Variants in DMD observed in about 807,000 individuals in gnomAD.
DMD encodes mutant dystrophin.
DMD carries 63 observed loss-of-function variants against 330.1 expected under a neutral mutation model. The ratio of observed to expected loss-of-function variants is 0.19; its 90% CI spans 0.16 to 0.24. The LOEUF (loss-of-function observed/expected upper bound fraction) is 0.24, where lower values mean the gene tolerates loss of function less well. DMD is among the 10% of genes least tolerant of loss of function. DMD has a pLI of 1.00. For synonymous variants in DMD, 1,223 were observed against 959.8 expected (o/e 1.27, Z -5.07); for missense variants, 3,344 against 2,684.1 (o/e 1.25, Z -5.43).
At chrX:32,687,455 A>G (rs1343571493) in intron 9 of DMD, among the ~76,000 whole-genome samples, 1 of 111,882 alleles carries the variant, frequency 8.9e-6, no homozygotes, top group Non-Finnish European at 1.9e-5. Context: ...TGACTATGGA[A>G]GAAGTTATAC....
At chrX:31,759,112 C>T (rs1363224203) in intron 51 of DMD, among the ~76,000 whole-genome samples, 1 of 111,095 alleles carries the variant, frequency 9.0e-6, no homozygotes, top group Non-Finnish European at 1.9e-5. Flanking sequence ...AAAGCTCATG[C>T]TATTTCTACA....
At chrX:33,066,566 C>T (rs1487503677) in intron 1 of DMD, among the ~76,000 whole-genome samples, 1 of 109,453 alleles carries the variant, frequency 9.1e-6, no homozygotes, top group East Asian at 2.9e-4. Flanking sequence ...CCAACGGTAC[C>T]AGCAATGTGG....
At chrX:33,132,189 A>T (rs1216730295) in intron 1 of DMD, among the ~76,000 whole-genome samples, 2 of 112,220 alleles carry the variant, frequency 1.8e-5, no homozygotes, top group Non-Finnish European at 3.8e-5. Flanking sequence ...TGAAGGGAAG[A>T]TGTTAGATCA....
chrX:32,777,673 G>A (rs908863094), intron 7 of DMD, among the ~76,000 whole-genome samples: 3 of 111,520 alleles, frequency 2.7e-5, no homozygotes, highest in Non-Finnish European at 5.7e-5. Context: ...CTTTCCAATT[G>A]GTATTTAGAC....
chrX:32,196,843 G>A (rs1390278683), intron 44 of DMD, among the ~76,000 whole-genome samples: 2 of 108,928 alleles, frequency 1.8e-5, no homozygotes, highest in African/African-American at 3.4e-5. Flanking sequence ...AAAATTAGCG[G>A]GGCGTGGTAG....
At chrX:32,518,779 C>G (rs780728522) in intron 17 of DMD, among the ~76,000 whole-genome samples, 1 of 110,537 alleles carries the variant, frequency 9.0e-6, no homozygotes, top group South Asian at 3.9e-4. Flanking sequence ...ACCAGGCATG[C>G]AAATAAAGCC....
chrX:32,711,088 T>G (rs2065145677), intron 7 of DMD, among the ~76,000 whole-genome samples: 1 of 111,978 alleles, frequency 8.9e-6, no homozygotes, highest in Admixed American at 9.5e-5. Context: ...AGGCTTTGCG[T>G]AGAATCTTAC....
intron 29 of DMD, among the ~76,000 whole-genome samples, chrX:32,420,988 C>T (rs2098187229): frequency 9.0e-6 from 1 of 111,583 alleles, no homozygotes; most frequent in South Asian, 3.8e-4. Context: ...TTGCCGGCCT[C>T]TGTGGTCAAC....
chrX:32,803,568 C>T (rs905689123), intron 7 of DMD, among the ~76,000 whole-genome samples: 6 of 111,696 alleles, frequency 5.4e-5, no homozygotes, highest in Non-Finnish European at 1.1e-4. Context: ...GATTATAGAT[C>T]TTTCCCACTT....
At chrX:32,479,219 A>G (rs2041564753) in intron 21 of DMD, among the ~76,000 whole-genome samples, 1 of 111,563 alleles carries the variant, frequency 9.0e-6, no homozygotes, top group African/African-American at 3.3e-5. Flanking sequence ...CTATGTATGC[A>G]TTGTAAAATA....
intron 7 of DMD, among the ~76,000 whole-genome samples, chrX:32,799,680 T>C (rs2076410742): frequency 9.2e-6 from 1 of 108,435 alleles, no homozygotes; most frequent in Non-Finnish European, 1.9e-5. Flanking sequence ...GACCAACGCA[T>C]GTAGAATGTA....
At chrX:32,587,638 G>A (rs781593509) in intron 13 of DMD, among the ~76,000 whole-genome samples, 5 of 110,126 alleles carry the variant, frequency 4.5e-5, no homozygotes, top group Admixed American at 3.9e-4. Flanking sequence ...TATTGGAAGG[G>A]ACATTGGAGG....
chrX:31,722,340 C>T (rs1295055103), intron 52 of DMD, among the ~76,000 whole-genome samples: 3 of 110,031 alleles, frequency 2.7e-5, no homozygotes, highest in South Asian at 4.0e-4. Flanking sequence ...AGGCTGGTTT[C>T]GAACTCCTGA....
intron 1 of DMD, among the ~76,000 whole-genome samples, chrX:33,050,017 A>T (rs778213654): frequency 4.6e-4 from 52 of 112,111 alleles, no homozygotes; most frequent in Admixed American, 4.5e-3. Flanking sequence ...CGTGTATTTA[A>T]AAGTGGTCTT....
intron 2 of DMD, among the ~76,000 whole-genome samples, chrX:32,902,566 A>C (rs981258126): frequency 9.0e-6 from 1 of 110,914 alleles, no homozygotes; most frequent in African/African-American, 3.3e-5. Flanking sequence ...TTGAACTCTT[A>C]TAAAGCATTC....
chrX:31,899,947 T>C (rs1452231326), intron 47 of DMD, among the ~76,000 whole-genome samples: 2 of 111,480 alleles, frequency 1.8e-5, no homozygotes, highest in African/African-American at 6.5e-5. Context: ...CTGCTTCTCT[T>C]TTTAACATTT....
chrX:31,961,651 G>T (rs777537494), intron 45 of DMD, among the ~76,000 whole-genome samples: 23 of 109,966 alleles, frequency 2.1e-4, no homozygotes, highest in South Asian at 1.5e-3. Flanking sequence ...ACAATTCATT[G>T]AGGTAATAGC....
At chrX:31,948,612 T>C (rs765309572) in intron 45 of DMD, among the ~76,000 whole-genome samples, 3 of 111,355 alleles carry the variant, frequency 2.7e-5, no homozygotes, top group Non-Finnish European at 5.7e-5. Flanking sequence ...ACAGAGGTTT[T>C]GATTTGCATT....
intron 44 of DMD, among the ~76,000 whole-genome samples, chrX:31,994,437 G>C (rs7878387): frequency 0.32 from 35,473 of 110,696 alleles, 5,571 homozygotes; most frequent in African/African-American, 0.62. Flanking sequence ...TTTTACTTCC[G>C]CCACTGAAAC....
Sources: gnomAD v4.1 joint callset for allele counts (sites outside exome capture counted in the v4.1 genomes callset) on GRCh38, gnomAD v4.1.1 for gene constraint, MANE v1.5 for transcripts, NCBI Gene and HGNC (gene_info 2026-07-23, HGNC 2026-07-21) for gene names.